UVRAG: variants seen among roughly 807,000 people sequenced by gnomAD.
UVRAG encodes UV radiation resistance-associated gene protein.
A neutral mutation model predicts 78.0 loss-of-function variants in UVRAG; 19 were observed. The observed-to-expected ratio is 0.24, with a 90% CI of 0.17 to 0.36. UVRAG has a LOEUF of 0.36. Ranked by LOEUF, UVRAG falls within the 10% of genes least tolerant of loss-of-function variation. The pLI, the probability that UVRAG is intolerant of heterozygous loss-of-function variation, is 1.00. For missense variants in UVRAG, 740 were observed against 853.8 expected (o/e 0.87, Z 1.66); for synonymous variants, 323 against 324.6 (o/e 1.00, Z 0.05).
At position 75,852,812 on chromosome 11, in the gene UVRAG, C is replaced by G. The variant is rs576870364; in HGVS notation, c.235+812C>G. On this transcript the variant is annotated intron_variant, in intron 2 of 14. Transcript: ENST00000356136. ...ATCTCAGTAAGATGTGATTAAAGAT[C>G]TATTTATGCTAACAAAAGGTGACAT... Among the ~76,000 whole-genome samples, 7 of 152,228 alleles carry G rather than the reference C, an allele frequency of 4.6e-5. No individual in the cohort carries two copies. In the East Asian group the frequency reaches 1.4e-3, roughly 29 times the overall value.
chr11:75,965,195 C>G (rs1196867212), intron 7 of UVRAG, among the ~76,000 whole-genome samples: 1 of 152,218 alleles, frequency 6.6e-6, no homozygotes, highest in Non-Finnish European at 1.5e-5. Flanking sequence ...GCTATCTTAA[C>G]AATAGTGGGT....
At chr11:76,008,957 A>G in intron 11 of UVRAG, 90 bp downstream of exon 11, 1 of 766,488 alleles carries the variant, frequency 1.3e-6, no homozygotes, top group Non-Finnish European at 2.0e-6. Flanking sequence ...ACTTTATCCA[A>G]AGGAATTTTT....
At chr11:76,075,568 T>A (rs893295604) in intron 13 of UVRAG, among the ~76,000 whole-genome samples, 2 of 151,162 alleles carry the variant, frequency 1.3e-5, no homozygotes, top group African/African-American at 4.9e-5. Context: ...GCATGAGCCA[T>A]GCCACTGCAC....
At chr11:75,872,783 T>A (rs1946683082) in intron 3 of UVRAG, among the ~76,000 whole-genome samples, 1 of 152,224 alleles carries the variant, frequency 6.6e-6, no homozygotes, top group Admixed American at 6.5e-5. Context: ...ACTTAATAAT[T>A]CTTAGCATCA....
intron 8 of UVRAG, among the ~76,000 whole-genome samples, chr11:75,995,173 AT>A (rs1949681314): frequency 6.8e-6 from 1 of 147,756 alleles, no homozygotes; most frequent in African/African-American, 2.6e-5. Context: ...CCAGCATTTT[AT>A]AAAAGTTTTT....
At chr11:76,045,114 C>A (rs943595671) in intron 12 of UVRAG, among the ~76,000 whole-genome samples, 10 of 152,182 alleles carry the variant, frequency 6.6e-5, no homozygotes, top group Admixed American at 6.5e-4. Flanking sequence ...ACTTCACCAG[C>A]AGAAAACCTG....
chr11:75,881,671 C>T (rs1946948194), intron 4 of UVRAG, among the ~76,000 whole-genome samples: 1 of 152,178 alleles, frequency 6.6e-6, no homozygotes, highest in Non-Finnish European at 1.5e-5. Context: ...CCTGCCTTGG[C>T]CTCCCGAAGA....
rs1395861145 is a variant in UVRAG, at chr11:76,005,503, A to G, written c.911+1414A>G. Among the ~76,000 whole-genome samples the G allele has an allele frequency of 2.0e-5, 3 of 152,210 alleles. No homozygotes were observed. In the East Asian group the frequency reaches 5.8e-4, roughly 29 times the overall value. ...CGTTGTCTTCAGTGCTGTTTTAGATAACTAAAAAACCAGTGATTTTCGTAC... is the reference window on the plus strand; with the variant it reads ...CGTTGTCTTCAGTGCTGTTTTAGATGACTAAAAAACCAGTGATTTTCGTAC... On this transcript the variant is annotated intron_variant, in intron 9 of 14. Coordinates refer to ENST00000356136, the MANE Select transcript of UVRAG (RefSeq NM_003369.4).
At chr11:75,964,660 T>G (rs931737705) in intron 7 of UVRAG, among the ~76,000 whole-genome samples, 1 of 152,204 alleles carries the variant, frequency 6.6e-6, no homozygotes, top group Non-Finnish European at 1.5e-5. Flanking sequence ...CCCAGCAATT[T>G]GGGAGGCCAA....
intron 14 of UVRAG, among the ~76,000 whole-genome samples, chr11:76,117,754 A>T (rs897720213): frequency 5.3e-5 from 8 of 152,204 alleles, no homozygotes; most frequent in Admixed American, 3.9e-4. Flanking sequence ...AGGAGCCCAG[A>T]TAGGGCTGAG....
chr11:75,966,308 A>G (rs1949021897), intron 7 of UVRAG, among the ~76,000 whole-genome samples: 1 of 151,970 alleles, frequency 6.6e-6, no homozygotes, highest in South Asian at 2.1e-4. Flanking sequence ...AATTTAAGGA[A>G]TTTTGCACTT....
intron 1 of UVRAG, among the ~76,000 whole-genome samples, chr11:75,846,432 A>G (rs968414888): frequency 2.6e-5 from 4 of 152,194 alleles, no homozygotes; most frequent in Non-Finnish European, 5.9e-5. Flanking sequence ...TTTATGAATT[A>G]TGCCTTTGGT....
chr11:76,077,187 C>T (rs190872257), intron 13 of UVRAG, among the ~76,000 whole-genome samples: 15 of 149,314 alleles, frequency 1.0e-4, no homozygotes, highest in Admixed American at 1.0e-3. Context: ...CACACACACA[C>T]ATCTCTTGTA....
intron 7 of UVRAG, among the ~76,000 whole-genome samples, chr11:75,979,042 A>G (rs183113230): frequency 6.6e-6 from 1 of 152,314 alleles, no homozygotes; most frequent in African/African-American, 2.4e-5. Context: ...GGTGACGTAC[A>G]GATGGGGTTT....
Position 75,993,727 on chromosome 11 carries a change from A to G in UVRAG, c.826+10214A>G, listed in dbSNP as rs559379853. Among the ~76,000 whole-genome samples, 25 of 152,326 alleles carry G rather than the reference A, an allele frequency of 1.6e-4. No homozygotes were observed. The East Asian group carries it at 3.1e-3, about 19-fold the overall frequency. On this transcript the variant is annotated intron_variant, in intron 8 of 14. Coordinates refer to ENST00000356136, the MANE Select transcript of UVRAG (RefSeq NM_003369.4). ...TGTATTAGTCCATTTTTGCATCACT[A>G]TAATGAAATACCTGATGCTGGGTAA...
intron 8 of UVRAG, among the ~76,000 whole-genome samples, chr11:75,991,062 G>A (rs1310851641): frequency 6.6e-6 from 1 of 152,180 alleles, no homozygotes; most frequent in Non-Finnish European, 1.5e-5. Context: ...TTGTTTGGCA[G>A]TGATAAGTAT....
At chr11:75,940,011 G>A (rs1251382771) in intron 6 of UVRAG, among the ~76,000 whole-genome samples, 1 of 152,128 alleles carries the variant, frequency 6.6e-6, no homozygotes, top group African/African-American at 2.4e-5. Context: ...CACATGTATT[G>A]GCAATAGGGG....
chr11:76,028,163 A>T (rs1034395526), intron 12 of UVRAG, among the ~76,000 whole-genome samples: 1 of 152,120 alleles, frequency 6.6e-6, no homozygotes, highest in Non-Finnish European at 1.5e-5. Context: ...ATAATCAATG[A>T]TCTTTCATGT....
intron 13 of UVRAG, among the ~76,000 whole-genome samples, chr11:76,113,132 G>C (rs1952110318): frequency 6.6e-6 from 1 of 152,084 alleles, no homozygotes; most frequent in Non-Finnish European, 1.5e-5. Flanking sequence ...GTACAAGAAA[G>C]GAATAATACA....
Sources: gnomAD v4.1 joint callset for allele counts (sites outside exome capture counted in the v4.1 genomes callset) on GRCh38, gnomAD v4.1.1 for gene constraint, MANE v1.5 for transcripts, NCBI Gene and HGNC (gene_info 2026-07-23, HGNC 2026-07-21) for gene names.